Variants in RASA3 observed in about 807,000 individuals in gnomAD.
The protein encoded by RASA3 is RAS p21 protein activator 3, also known as ras GTPase-activating protein 3.
In RASA3, 73 loss-of-function variants were observed where a neutral mutation model predicts 110.0. The observed-to-expected ratio is 0.66, with a 90% CI of 0.55 to 0.81. The LOEUF (loss-of-function observed/expected upper bound fraction) is 0.81. RASA3 is among the 30% of genes least tolerant of loss of function. The pLI is 0.00. For missense variants in RASA3, 976 were observed against 1,113.2 expected (o/e 0.88, Z 1.75); for synonymous variants, 500 against 451.4 (o/e 1.11, Z -1.37).
intron 22 of RASA3, among the ~76,000 whole-genome samples, chr13:113,982,882 C>T (rs983294855): frequency 1.3e-5 from 2 of 152,194 alleles, no homozygotes; most frequent in African/African-American, 2.4e-5. Flanking sequence ...GAAGAGGACC[C>T]GCAGTTAAAC....
chr13:113,982,188 C>T (rs541885217), intron 22 of RASA3, among the ~76,000 whole-genome samples: 11 of 152,340 alleles, frequency 7.2e-5, no homozygotes, highest in Admixed American at 3.3e-4. Flanking sequence ...TCTCTGCACG[C>T]CCCACCAGCC....
chr13:114,028,563 G>C (rs1016187654), intron 5 of RASA3, among the ~76,000 whole-genome samples: 1 of 147,850 alleles, frequency 6.8e-6, no homozygotes, highest in African/African-American at 2.5e-5. Flanking sequence ...TCCTGGAAGG[G>C]GGCCAGAACT....
chr13:114,004,496 A>G (rs534483143), intron 18 of RASA3, among the ~76,000 whole-genome samples: 1 of 152,272 alleles, frequency 6.6e-6, no homozygotes, highest in Non-Finnish European at 1.5e-5. Context: ...CTGAGGAATG[A>G]GAGCCAGAGC....
At chr13:114,015,835 G>A (rs941047222) in intron 13 of RASA3, among the ~76,000 whole-genome samples, 6 of 152,134 alleles carry the variant, frequency 3.9e-5, no homozygotes, top group African/African-American at 9.7e-5. Context: ...AGGGAAGGAG[G>A]AGCCGGGGCG....
intron 18 of RASA3, among the ~76,000 whole-genome samples, chr13:114,004,756 C>T (rs1161558399): frequency 2.0e-5 from 3 of 152,210 alleles, no homozygotes; most frequent in South Asian, 2.1e-4. Context: ...AGCTGCCATT[C>T]GATCCAGCAA....
Position 114,016,192 on chromosome 13 carries a change from C to G in RASA3, c.1281+5G>C, listed in dbSNP as rs760080322. On this transcript the variant is annotated splice_donor_5th_base_variant and intron_variant, in intron 13 of 23. Coordinates refer to ENST00000334062, the MANE Select transcript of RASA3 (RefSeq NM_007368.4). ...GGCTTTGGTTGGTTCATGAACAAAACCTACCATGTTGTTTTCAAGGTTTTC... is the reference window on the plus strand; with the variant it reads ...GGCTTTGGTTGGTTCATGAACAAAAGCTACCATGTTGTTTTCAAGGTTTTC... 1.3e-6 allele frequency: 2 copies of G among 1,577,664 alleles called. No individual in the cohort carries two copies. Among genetic ancestry groups the G allele is most frequent in the Non-Finnish European group, 1.7e-6 (2 of 1,147,254 alleles).
intron 22 of RASA3, among the ~76,000 whole-genome samples, chr13:113,989,339 TTCCATCCACCCATCTCTCACCATCTG>T (rs1339277611): frequency 6.6e-5 from 9 of 135,894 alleles, no homozygotes; most frequent in African/African-American, 2.3e-4. Flanking sequence ...TCACCCATCC[TTCCATCCACCCATCTCTCACCATCTG>T]TCCATCCACC....
At chr13:114,131,394 T>C (rs920914375) in intron 1 of RASA3, among the ~76,000 whole-genome samples, 4 of 151,946 alleles carry the variant, frequency 2.6e-5, no homozygotes, top group Admixed American at 2.0e-4. Flanking sequence ...ATGGCATGAA[T>C]ATGGAACAGT....
At chr13:114,049,424 G>A (rs1270441477) in intron 3 of RASA3, among the ~76,000 whole-genome samples, 10 of 152,060 alleles carry the variant, frequency 6.6e-5, no homozygotes, top group South Asian at 2.1e-4. Flanking sequence ...AGCAGACGAC[G>A]TCAACAGAAT....
chr13:113,981,581 GGCCCCACCCGGGAGCTCCCTGCA>G (rs1238310810), intron 23 of RASA3, 71 bp downstream of exon 23: 1 of 1,401,692 alleles, frequency 7.1e-7, no homozygotes, highest in Non-Finnish European at 9.8e-7. Flanking sequence ...GAGCACGGGC[GGCCCCACCCGGGAGCTCCCTGCA>G]GCCCCACCCC....
rs1264813322 is a variant in RASA3 at position 114,027,382 on chromosome 13, T to A, written c.603+7A>T. On this transcript the variant is annotated splice_region_variant and intron_variant, in intron 7 of 23. Transcript: ENST00000334062. ...TCCACTTAACGTTGACCCATGAAGA[T>A]ACCAACCTCAAAATAAAACACTTCA... The A allele has an allele frequency of 6.2e-7, 1 of 1,604,012 alleles. No homozygotes were observed. Among genetic ancestry groups the A allele is most frequent in the Non-Finnish European group, 8.5e-7 (1 of 1,170,984 alleles).
chr13:114,052,922 C>CACT (rs2079173152), intron 2 of RASA3, among the ~76,000 whole-genome samples: 1 of 129,242 alleles, frequency 7.7e-6, no homozygotes, highest in African/African-American at 2.9e-5. Flanking sequence ...GAGAGACCCC[C>CACT]GCTGCTGACT....
intron 1 of RASA3, among the ~76,000 whole-genome samples, chr13:114,094,052 T>C (rs1053018331): frequency 6.6e-6 from 1 of 152,184 alleles, no homozygotes; most frequent in African/African-American, 2.4e-5. Flanking sequence ...AGGGCCCGTC[T>C]CTCGCACCTT....
chr13:114,100,191 G>A (rs1041993602), intron 1 of RASA3, among the ~76,000 whole-genome samples: 3 of 151,638 alleles, frequency 2.0e-5, no homozygotes, highest in Non-Finnish European at 4.4e-5. Context: ...AGGAGACGCA[G>A]CTCTGACTCT....
In RASA3 at chr13:114,035,037, C is replaced by T. The variant is rs367556932; in HGVS notation, c.373-5150G>A. Among the ~76,000 whole-genome samples, 8 of 151,886 alleles carry T rather than the reference C, an allele frequency of 5.3e-5. No homozygotes were observed. In the East Asian group the frequency reaches 1.2e-3, roughly 22 times the overall value. On this transcript the variant is annotated intron_variant, in intron 4 of 23. Coordinates refer to ENST00000334062, the MANE Select transcript of RASA3 (RefSeq NM_007368.4). Reference sequence around the variant, plus strand: ...GCTTAGAGCAGAAGGGAGATCTGAACGCTGACCTGAGCTTAGAGCAGAAGG... The same window carrying T: ...GCTTAGAGCAGAAGGGAGATCTGAATGCTGACCTGAGCTTAGAGCAGAAGG...
chr13:114,111,513 G>A (rs9590450), intron 1 of RASA3, among the ~76,000 whole-genome samples: 1 of 124,522 alleles, frequency 8.0e-6, no homozygotes, highest in Non-Finnish European at 1.8e-5. Context: ...AGTTCTAACG[G>A]GCTGAGCCTC....
At position 114,087,160 on chromosome 13, in the gene RASA3, C is replaced by T. The variant is rs1485893465; in HGVS notation, c.56-13323G>A. Among the ~76,000 whole-genome samples the T allele has an allele frequency of 3.9e-5, 4 of 101,930 alleles. 1 individual carries two copies. The highest frequency in any genetic ancestry group is 2.0e-4 in the Admixed American group (2 of 10,138). 66.9% of individuals were successfully genotyped at this position (101,930 alleles called of 152,430 possible). ...CTGGAGTATCGACTCCCTTCGTCCT[C>T]GCGGGGAAATCCCGGGGAAGTGCTG... On this transcript the variant is annotated intron_variant, in intron 1 of 23. Coordinates refer to ENST00000334062, the MANE Select transcript of RASA3 (RefSeq NM_007368.4).
intron 2 of RASA3, among the ~76,000 whole-genome samples, chr13:114,067,445 G>A (rs553339968): frequency 7.9e-5 from 12 of 152,336 alleles, no homozygotes; most frequent in East Asian, 5.8e-4. Context: ...GTCGCCTAAT[G>A]TCAAAGTCGG....
At chr13:114,016,173 G>A (rs2053786494) in intron 13 of RASA3, 24 bp downstream of exon 13, 2 of 1,544,072 alleles carry the variant, frequency 1.3e-6, no homozygotes, top group Non-Finnish European at 1.8e-6. Flanking sequence ...GACTGGCTTT[G>A]GTTGGTTCAT....
Sources: gnomAD v4.1 joint callset for allele counts (sites outside exome capture counted in the v4.1 genomes callset) on GRCh38, gnomAD v4.1.1 for gene constraint, MANE v1.5 for transcripts, NCBI Gene and HGNC (gene_info 2026-07-23, HGNC 2026-07-21) for gene names.